The following CNTNAP5 variants were observed in gnomAD, a reference collection of about 807,000 sequenced individuals.
CNTNAP5 encodes the protein contactin-associated protein-like 5.
CNTNAP5 carries 72 observed loss-of-function variants against 150.2 expected under a neutral mutation model. The observed-to-expected ratio is 0.48, with a 90% CI of 0.40 to 0.58. The LOEUF is 0.58. Among genes scored for constraint, CNTNAP5 ranks in the 20% least tolerant of loss-of-function variants. The pLI is 0.00. For synonymous variants in CNTNAP5, 672 were observed against 619.8 expected, an observed-to-expected ratio of 1.08 and a Z score of -1.25; for missense variants, 1,636 against 1,626.2, an observed-to-expected ratio of 1.01 and a Z score of -0.10.
chr2:124,309,348 C>G (rs887698198), intron 3 of CNTNAP5, among the ~76,000 whole-genome samples: 3 of 151,976 alleles, frequency 2.0e-5, no homozygotes, highest in Non-Finnish European at 4.4e-5. Context: ...ATTTACAGAG[C>G]CTGACATATA....
chr2:124,681,101 A>G (rs549364286), intron 13 of CNTNAP5, among the ~76,000 whole-genome samples: 7 of 151,596 alleles, frequency 4.6e-5, no homozygotes, highest in Non-Finnish European at 8.8e-5. Context: ...CCTGGCCAAC[A>G]TAGTGAAACC....
At chr2:124,792,909 C>A (rs1419983010) in intron 18 of CNTNAP5, among the ~76,000 whole-genome samples, 1 of 152,144 alleles carries the variant, frequency 6.6e-6, no homozygotes, top group Admixed American at 6.5e-5. Context: ...GAAAGCACCA[C>A]AGTTTGTTTA....
intron 10 of CNTNAP5, among the ~76,000 whole-genome samples, chr2:124,541,817 C>G (rs1695392805): frequency 6.6e-6 from 1 of 152,094 alleles, no homozygotes; most frequent in Admixed American, 6.5e-5. Context: ...TACTTCTGAT[C>G]TACATTTTGC....
intron 13 of CNTNAP5, among the ~76,000 whole-genome samples, chr2:124,734,233 C>T (rs187398202): frequency 6.6e-6 from 1 of 152,014 alleles, no homozygotes; most frequent in East Asian, 1.9e-4. Context: ...TGGTAAACCC[C>T]GCTACATGGA....
chr2:124,344,020 C>A (rs868231427), intron 3 of CNTNAP5, among the ~76,000 whole-genome samples: 117 of 152,258 alleles, frequency 7.7e-4, no homozygotes, highest in African/African-American at 2.8e-3. Context: ...TGTACCAGAA[C>A]AAGAACCCAT....
At chr2:124,198,945 A>C (rs945773237) in intron 1 of CNTNAP5, among the ~76,000 whole-genome samples, 5 of 151,734 alleles carry the variant, frequency 3.3e-5, no homozygotes, top group Admixed American at 3.3e-4. Flanking sequence ...TCTATCATAA[A>C]CCAAATTGCC....
intron 1 of CNTNAP5, among the ~76,000 whole-genome samples, chr2:124,159,399 C>T (rs1021193257): frequency 6.6e-6 from 1 of 152,148 alleles, no homozygotes; most frequent in African/African-American, 2.4e-5. Context: ...AAGCCATAGA[C>T]AATATGTAAA....
At chr2:124,260,338 C>G (rs61133902) in intron 3 of CNTNAP5, among the ~76,000 whole-genome samples, 5,634 of 152,260 alleles carry the variant, frequency 0.037, 296 homozygotes, top group African/African-American at 0.12. Flanking sequence ...AACTGGATCC[C>G]TTCCTTACAC....
At chr2:124,225,452 T>G (rs1236314215) in intron 2 of CNTNAP5, among the ~76,000 whole-genome samples, 1 of 152,192 alleles carries the variant, frequency 6.6e-6, no homozygotes, top group Non-Finnish European at 1.5e-5. Context: ...TGTGTCATTT[T>G]TATTAGTTCA....
chr2:124,033,837 TA>T (rs1681131563), intron 1 of CNTNAP5, among the ~76,000 whole-genome samples: 1 of 151,782 alleles, frequency 6.6e-6, no homozygotes, highest in African/African-American at 2.4e-5. Flanking sequence ...TTCATATAGA[TA>T]AGCTTTAAGA....
At chr2:124,466,780 A>G (rs1290671588) in intron 6 of CNTNAP5, among the ~76,000 whole-genome samples, 1 of 152,284 alleles carries the variant, frequency 6.6e-6, no homozygotes, top group Non-Finnish European at 1.5e-5. Context: ...TCTTCCATAT[A>G]CTGAAGGCCC....
intron 7 of CNTNAP5, among the ~76,000 whole-genome samples, chr2:124,477,822 T>C (rs560702457): frequency 6.6e-6 from 1 of 152,174 alleles, no homozygotes; most frequent in South Asian, 2.1e-4. Flanking sequence ...GGGCACTACA[T>C]TGAAATCATG....
At chr2:124,785,518 G>C (rs1042657071) in intron 17 of CNTNAP5, among the ~76,000 whole-genome samples, 2 of 152,172 alleles carry the variant, frequency 1.3e-5, no homozygotes, top group East Asian at 3.9e-4. Flanking sequence ...GCGACTACAG[G>C]GGTAGTGTAG....
intron 13 of CNTNAP5, among the ~76,000 whole-genome samples, chr2:124,658,301 A>G (rs1678501338): frequency 6.6e-6 from 1 of 152,078 alleles, no homozygotes; most frequent in East Asian, 1.9e-4. Flanking sequence ...TTGAGATGTT[A>G]CTGATGTTTT....
At chr2:124,583,197 G>C (rs184015089) in intron 11 of CNTNAP5, among the ~76,000 whole-genome samples, 2 of 152,146 alleles carry the variant, frequency 1.3e-5, no homozygotes, top group African/African-American at 4.8e-5. Flanking sequence ...GGTGCTACAG[G>C]AGACATCTCT....
At chr2:124,124,929 G>C (rs1315650878) in intron 1 of CNTNAP5, among the ~76,000 whole-genome samples, 1 of 152,106 alleles carries the variant, frequency 6.6e-6, no homozygotes, top group East Asian at 1.9e-4. Flanking sequence ...AACATAGAAA[G>C]GAACAACCAG....
chr2:124,085,014 C>T (rs1189949147), intron 1 of CNTNAP5, among the ~76,000 whole-genome samples: 2 of 135,176 alleles, frequency 1.5e-5, no homozygotes, highest in East Asian at 2.5e-4. Flanking sequence ...CTCTGCCTCC[C>T]GGGTTGAAGC....
At chr2:124,119,552 G>T (rs1021416831) in intron 1 of CNTNAP5, among the ~76,000 whole-genome samples, 2 of 152,006 alleles carry the variant, frequency 1.3e-5, no homozygotes, top group Non-Finnish European at 2.9e-5. Flanking sequence ...AGTAATTTTT[G>T]AGCAAAACGA....
chr2:124,773,905 AGTGC>A (rs763644291), intron 17 of CNTNAP5, among the ~76,000 whole-genome samples: 7 of 71,772 alleles, frequency 9.8e-5, no homozygotes, highest in Non-Finnish European at 1.4e-4. Flanking sequence ...AACATAAGGG[AGTGC>A]GTGTGTGTGT....
Sources: gnomAD v4.1 joint callset for allele counts (sites outside exome capture counted in the v4.1 genomes callset) on GRCh38, gnomAD v4.1.1 for gene constraint, MANE v1.5 for transcripts, NCBI Gene and HGNC (gene_info 2026-07-23, HGNC 2026-07-21) for gene names.